The following WDR64 variants were observed in gnomAD, a reference collection of about 807,000 sequenced individuals.
WDR64 encodes WD repeat-containing protein 64.
Under a neutral mutation model 139.3 loss-of-function variants are expected in WDR64, and 112 were observed. The ratio of observed to expected loss-of-function variants is 0.80; its 90% CI spans 0.69 to 0.94. The LOEUF is 0.94. WDR64 is among the 40% of genes least tolerant of loss of function. The probability of loss-of-function intolerance (pLI) is 0.00; values close to 1 mark genes in which losing one functional copy is unlikely to be tolerated. For synonymous variants in WDR64, 444 were observed against 437.7 expected (o/e 1.01, Z -0.18); for missense variants, 1,206 against 1,293.1 (o/e 0.93, Z 1.03).
chr1:241,702,972 A>G (rs1331960068), intron 8 of WDR64, among the ~76,000 whole-genome samples: 1 of 152,120 alleles, frequency 6.6e-6, no homozygotes, highest in African/African-American at 2.4e-5. Flanking sequence ...AGAATTTTCT[A>G]TTGCACCCTC....
At position 241,802,090 on chromosome 1, in the gene WDR64, G is replaced by A; in HGVS notation, c.*875G>A. The A allele has an allele frequency of 2.5e-6, 1 of 397,538 alleles. No individual in the cohort carries two copies. Among genetic ancestry groups the A allele is most frequent in the Non-Finnish European group, 4.4e-6 (1 of 225,678 alleles). The allele number at this position is 397,538 out of a possible 1,614,324, so 24.6% of individuals were successfully genotyped here. A position where few individuals can be genotyped will look rare whatever the true frequency, so the allele number is the denominator to read the frequency against. On this transcript the variant is annotated 3_prime_UTR_variant, in exon 28 of 28. Coordinates refer to ENST00000437684, the MANE Select transcript of WDR64 (RefSeq NM_001367482.1). ...AAATACACTTTAAGAAAATAAACAA[G>A]AATCTTTATAAAAGTTTTATAAAGT... is the stretch of plus-strand genomic sequence containing the variant.
chr1:241,675,559 T>C (rs764332920), intron 4 of WDR64, among the ~76,000 whole-genome samples: 1 of 151,752 alleles, frequency 6.6e-6, no homozygotes, highest in Non-Finnish European at 1.5e-5. Context: ...ATATCTCAGT[T>C]AAAATCAGAA....
In WDR64 at chr1:241,701,807, T is replaced by A. The variant is rs183067769; in HGVS notation, c.975-9995T>A. On this transcript the variant is annotated intron_variant, in intron 8 of 27. Coordinates refer to ENST00000437684, the MANE Select transcript of WDR64 (RefSeq NM_001367482.1). ...AGCAGCCACTGCCATTGTAGAGTCATCTCAATAGACTGAGAATTGGGTCCA... is the reference window on the plus strand; with the variant it reads ...AGCAGCCACTGCCATTGTAGAGTCAACTCAATAGACTGAGAATTGGGTCCA... Among the ~76,000 whole-genome samples the A allele has an allele frequency of 2.5e-3, 381 of 152,356 alleles. 1 individual carries two copies. Among genetic ancestry groups the A allele is most frequent in the Non-Finnish European group, 4.3e-3 (290 of 68,034 alleles).
intron 13 of WDR64, among the ~76,000 whole-genome samples, chr1:241,745,174 C>T (rs76456249): frequency 0.013 from 1,982 of 152,076 alleles, 17 homozygotes; most frequent in Middle Eastern, 0.034. Flanking sequence ...ACCATATGAC[C>T]GATTGCATGA....
chr1:241,693,154 G>A (rs1667365931), intron 8 of WDR64, among the ~76,000 whole-genome samples: 1 of 152,124 alleles, frequency 6.6e-6, no homozygotes, highest in Non-Finnish European at 1.5e-5. Context: ...AAAACTTGGG[G>A]GCAACAAAGA....
chr1:241,769,584 G>T, intron 17 of WDR64, 79 bp downstream of exon 17: 1 of 1,268,060 alleles, frequency 7.9e-7, no homozygotes, highest in Non-Finnish European at 1.1e-6. Flanking sequence ...AAAATTAATT[G>T]TGGTTTTTGC....
chr1:241,660,403 G>A, intron 1 of WDR64, 127 bp from the exon 2 acceptor site: 3 of 1,215,936 alleles, frequency 2.5e-6, no homozygotes, highest in Non-Finnish European at 3.4e-6. Flanking sequence ...TCTTTAAAAT[G>A]CAAATATATC....
rs766802128 is a variant in WDR64, at chr1:241,784,953, G to GGAAAA, written c.2705+1572_2705+1573insGAAAA. Among the ~76,000 whole-genome samples, 59 of 62,236 alleles carry GGAAAA rather than the reference G, an allele frequency of 9.5e-4. 4 individuals carry two copies. The highest frequency in any genetic ancestry group is 1.2e-3 in the Non-Finnish European group (39 of 32,508). 40.8% of individuals were successfully genotyped at this position (62,236 alleles called of 152,430 possible). A position where few individuals can be genotyped will look rare whatever the true frequency, so the allele number is the denominator to read the frequency against. On this transcript the variant is annotated intron_variant, in intron 23 of 27. Coordinates refer to ENST00000437684, the MANE Select transcript of WDR64 (RefSeq NM_001367482.1). The stretch of plus-strand genomic sequence containing the variant: ...TGGGCGACAGAGTGAGACTCTGTCT[G>GGAAAA]AAAAAAAAAAAAAAAAAAAAAAAGA...
chr1:241,705,561 A>G (rs1667915669), intron 8 of WDR64, among the ~76,000 whole-genome samples: 2 of 113,252 alleles, frequency 1.8e-5, no homozygotes, highest in South Asian at 5.4e-4. Context: ...AAATAAATAA[A>G]TAATAATAAT....
At chr1:241,721,345 T>A (rs942360140) in intron 9 of WDR64, among the ~76,000 whole-genome samples, 1 of 151,970 alleles carries the variant, frequency 6.6e-6, no homozygotes, top group African/African-American at 2.4e-5. Flanking sequence ...GTAAAATGAC[T>A]ATTTTGAATT....
chr1:241,781,790 G>A (rs1658856146), intron 22 of WDR64, among the ~76,000 whole-genome samples: 1 of 150,024 alleles, frequency 6.7e-6, no homozygotes, highest in South Asian at 2.1e-4. Context: ...GAACAGAATA[G>A]ATCATATTGA....
chr1:241,673,717 TC>T (rs1666335652), intron 3 of WDR64, among the ~76,000 whole-genome samples: 1 of 152,206 alleles, frequency 6.6e-6, no homozygotes, highest in South Asian at 2.1e-4. Flanking sequence ...TGCCTTTCTT[TC>T]CTAAGAGTTT....
At chr1:241,727,667 G>C (rs758080101) in intron 10 of WDR64, among the ~76,000 whole-genome samples, 1 of 152,164 alleles carries the variant, frequency 6.6e-6, no homozygotes, top group African/African-American at 2.4e-5. Flanking sequence ...TGAGAAAGTT[G>C]ACATGCTAGG....
intron 24 of WDR64, among the ~76,000 whole-genome samples, chr1:241,788,634 G>A (rs1451471029): frequency 6.6e-6 from 1 of 152,212 alleles, no homozygotes; most frequent in Non-Finnish European, 1.5e-5. Flanking sequence ...CTCAAGGCTG[G>A]AAAGACCCAA....
intron 23 of WDR64, among the ~76,000 whole-genome samples, chr1:241,785,411 C>T (rs1048363066): frequency 3.9e-5 from 6 of 152,142 alleles, no homozygotes; most frequent in Non-Finnish European, 7.4e-5. Context: ...CTCCCTCGGG[C>T]CTCTTTTTAA....
rs1667828506 is a variant in WDR64, at chr1:241,703,776, T to C, written c.975-8026T>C. Among the ~76,000 whole-genome samples the C allele has an allele frequency of 6.6e-6, 1 of 152,166 alleles. No individual in the cohort carries two copies. The highest frequency in any genetic ancestry group is 2.4e-5 in the African/African-American group (1 of 41,442). On this transcript the variant is annotated intron_variant, in intron 8 of 27. Coordinates refer to ENST00000437684, the MANE Select transcript of WDR64 (RefSeq NM_001367482.1). This position sits in a 1 kb window ranked among gnomAD's most constrained non-coding sequence, Gnocchi z 5.9. ...AGGTTAATTGACTCACAGTTCCACA[T>C]GGCTGGGGAGGCTTCAGGAAACTTA...
At chr1:241,706,328 T>C (rs1238844748) in intron 8 of WDR64, among the ~76,000 whole-genome samples, 1 of 152,196 alleles carries the variant, frequency 6.6e-6, no homozygotes, top group African/African-American at 2.4e-5. Flanking sequence ...GCCATCCTAA[T>C]GGGAATTGGC....
intron 14 of WDR64, among the ~76,000 whole-genome samples, chr1:241,753,624 A>G (rs1284390498): frequency 6.6e-6 from 1 of 152,160 alleles, no homozygotes; most frequent in African/African-American, 2.4e-5. Flanking sequence ...GGATCACCTG[A>G]GCCTGGAAGG....
At chr1:241,653,370 T>C (rs1397276604) in intron 1 of WDR64, among the ~76,000 whole-genome samples, 1 of 152,214 alleles carries the variant, frequency 6.6e-6, no homozygotes, top group Admixed American at 6.5e-5. Flanking sequence ...TAGTAATTTG[T>C]AAGTGAAAAT....
Sources: gnomAD v4.1 joint callset for allele counts (sites outside exome capture counted in the v4.1 genomes callset) on GRCh38, gnomAD v4.1.1 for gene constraint, Gnocchi (gnomAD v3.1) non-coding constraint, MANE v1.5 for transcripts, NCBI Gene and HGNC (gene_info 2026-07-23, HGNC 2026-07-21) for gene names.